TNS3: variants seen among roughly 807,000 people sequenced by gnomAD.
TNS3 encodes the protein tensin-3.
Under a neutral mutation model 140.9 loss-of-function variants are expected in TNS3, and 45 were observed. The observed-to-expected ratio is 0.32, with a 90% CI of 0.25 to 0.41. The LOEUF (loss-of-function observed/expected upper bound fraction) is 0.41. TNS3 is among the 10% of genes least tolerant of loss of function. The pLI is 1.00. For missense variants in TNS3, 1,716 were observed against 1,906.7 expected (o/e 0.90, Z 1.86); for synonymous variants, 815 against 788.4 (o/e 1.03, Z -0.56).
At chr7:47,497,894 A>G (rs956806843) in intron 3 of TNS3, among the ~76,000 whole-genome samples, 5 of 152,090 alleles carry the variant, frequency 3.3e-5, no homozygotes, top group Non-Finnish European at 7.4e-5. Context: ...TACTGTCACC[A>G]TGAAAGTGGC....
intron 9 of TNS3, among the ~76,000 whole-genome samples, chr7:47,425,782 CTT>C (rs901284033): frequency 6.6e-6 from 1 of 152,034 alleles, no homozygotes; most frequent in Non-Finnish European, 1.5e-5. Flanking sequence ...CTTTATAACT[CTT>C]ATTTCTATGG....
chr7:47,478,718 ACT>A (rs1797291877), intron 4 of TNS3, among the ~76,000 whole-genome samples: 3 of 151,882 alleles, frequency 2.0e-5, no homozygotes, highest in South Asian at 4.2e-4. Flanking sequence ...CACATACATA[ACT>A]CTCATATGTA....
chr7:47,363,911 G>A (rs974137174), intron 17 of TNS3, among the ~76,000 whole-genome samples: 13 of 152,172 alleles, frequency 8.5e-5, no homozygotes, highest in African/African-American at 3.1e-4. Context: ...AGCTGAAAGA[G>A]GAGGGCTCCA....
intron 8 of TNS3, among the ~76,000 whole-genome samples, chr7:47,434,994 G>C (rs919870473): frequency 1.3e-5 from 2 of 152,150 alleles, no homozygotes; most frequent in Non-Finnish European, 2.9e-5. Context: ...TAATAAAAAT[G>C]AAACGATTTG....
intron 17 of TNS3, among the ~76,000 whole-genome samples, chr7:47,351,958 T>C (rs575624101): frequency 1.1e-4 from 16 of 152,218 alleles, no homozygotes; most frequent in African/African-American, 3.6e-4. Flanking sequence ...CGGCACTTTT[T>C]CACACCCACA....
At chr7:47,523,025 T>A (rs771995991) in intron 2 of TNS3, among the ~76,000 whole-genome samples, 1 of 152,084 alleles carries the variant, frequency 6.6e-6, no homozygotes, top group African/African-American at 2.4e-5. Flanking sequence ...TGTTTAAAAA[T>A]TACCCTAAAC....
chr7:47,320,815 T>A (rs1023467681), intron 20 of TNS3, among the ~76,000 whole-genome samples: 6 of 152,138 alleles, frequency 3.9e-5, no homozygotes, highest in African/African-American at 1.4e-4. Flanking sequence ...ACGAATTGTG[T>A]GTGGTTTGGG....
intron 9 of TNS3, among the ~76,000 whole-genome samples, chr7:47,425,718 G>A (rs146547636): frequency 6.6e-6 from 1 of 152,212 alleles, no homozygotes; most frequent in East Asian, 1.9e-4. Flanking sequence ...TTTGACCAAT[G>A]TTTATTTTCT....
At chr7:47,479,896 G>A (rs1251639194) in intron 4 of TNS3, among the ~76,000 whole-genome samples, 1 of 152,142 alleles carries the variant, frequency 6.6e-6, no homozygotes, top group Admixed American at 6.5e-5. Flanking sequence ...GGTGGGCAGG[G>A]GGCGAGGGCA....
At chr7:47,286,300 T>A (rs1562759054) in intron 27 of TNS3, among the ~76,000 whole-genome samples, 1 of 152,054 alleles carries the variant, frequency 6.6e-6, no homozygotes, top group Non-Finnish European at 1.5e-5. Flanking sequence ...TTGGGGAATC[T>A]CTCTCCCCAA....
chr7:47,282,487 C>T (rs1318509567), intron 28 of TNS3, among the ~76,000 whole-genome samples: 1 of 151,696 alleles, frequency 6.6e-6, no homozygotes, highest in Non-Finnish European at 1.5e-5. Context: ...TTGCCTGTGA[C>T]CCTGACCCTG....
intron 1 of TNS3, among the ~76,000 whole-genome samples, chr7:47,546,013 C>A (rs1421032530): frequency 6.6e-6 from 1 of 152,206 alleles, no homozygotes; most frequent in Non-Finnish European, 1.5e-5. Context: ...GGTTAAGAAG[C>A]ACAGAGAGCC....
intron 2 of TNS3, among the ~76,000 whole-genome samples, chr7:47,520,838 T>A (rs898764459): frequency 6.6e-6 from 1 of 152,142 alleles, no homozygotes. Context: ...CCGGTAGAAG[T>A]CAACCCCAGG....
At chr7:47,313,721 C>T (rs1562583489) in intron 20 of TNS3, among the ~76,000 whole-genome samples, 1 of 152,196 alleles carries the variant, frequency 6.6e-6, no homozygotes, top group East Asian at 1.9e-4. Flanking sequence ...CTCAGAAGCC[C>T]TCAATGCACT....
At chr7:47,532,201 G>A (rs1799432982) in intron 1 of TNS3, among the ~76,000 whole-genome samples, 1 of 152,190 alleles carries the variant, frequency 6.6e-6, no homozygotes, top group African/African-American at 2.4e-5. Context: ...GCAGCGGTAG[G>A]CAAAGTCCTG....
chr7:47,494,032 T>C (rs535328008), intron 3 of TNS3, among the ~76,000 whole-genome samples: 22 of 152,242 alleles, frequency 1.4e-4, no homozygotes, highest in Non-Finnish European at 2.9e-4. Flanking sequence ...ATCTTGATAA[T>C]GGCATTCCAT....
chr7:47,494,850 G>T (rs1562802832), intron 3 of TNS3, among the ~76,000 whole-genome samples: 1 of 152,144 alleles, frequency 6.6e-6, no homozygotes, highest in South Asian at 2.1e-4. Flanking sequence ...TTACAAAAGG[G>T]GGGAAGGGGA....
chr7:47,377,418 C>T (rs1285641861), intron 16 of TNS3, among the ~76,000 whole-genome samples: 1 of 152,042 alleles, frequency 6.6e-6, no homozygotes, highest in Non-Finnish European at 1.5e-5. Context: ...TGTCTGGACA[C>T]AAATGGGTGT....
chr7:47,318,705 C>T (rs997302893), intron 20 of TNS3, among the ~76,000 whole-genome samples: 3 of 152,116 alleles, frequency 2.0e-5, no homozygotes, highest in Non-Finnish European at 4.4e-5. Context: ...GCTTTGAGAG[C>T]CCTGGGCTGA....
Sources: allele counts gnomAD v4.1 joint callset (sites outside exome capture counted in the v4.1 genomes callset), GRCh38; gene constraint gnomAD v4.1.1; transcripts MANE v1.5; gene names NCBI Gene and HGNC (gene_info 2026-07-23, HGNC 2026-07-21).